ROR1: variants seen among roughly 807,000 people sequenced by gnomAD.
The protein encoded by ROR1 is inactive tyrosine-protein kinase transmembrane receptor ROR1.
ROR1 carries 19 observed loss-of-function variants against 78.8 expected under a neutral mutation model. The observed-to-expected ratio is 0.24, with a 90% CI of 0.17 to 0.35. The LOEUF is 0.35. Among genes scored for constraint, ROR1 ranks in the 10% least tolerant of loss-of-function variants. ROR1 has a pLI of 1.00. For missense variants in ROR1, 917 were observed against 1,177.8 expected (o/e 0.78, Z 3.24); for synonymous variants, 386 against 433.6 (o/e 0.89, Z 1.36).
intron 1 of ROR1, among the ~76,000 whole-genome samples, chr1:63,844,972 G>A (rs781415076): frequency 3.9e-5 from 6 of 152,090 alleles, no homozygotes; most frequent in Non-Finnish European, 8.8e-5. Flanking sequence ...GCCTTTTGAA[G>A]TCTTCCAGTT....
At chr1:63,911,754 CAAAA>C (rs1645571902) in intron 1 of ROR1, among the ~76,000 whole-genome samples, 1 of 151,886 alleles carries the variant, frequency 6.6e-6, no homozygotes, top group Non-Finnish European at 1.5e-5. Context: ...AGAGAAGAAA[CAAAA>C]AACTGAAGGA....
intron 4 of ROR1, among the ~76,000 whole-genome samples, chr1:64,103,274 C>T (rs1180981055): frequency 1.3e-5 from 2 of 150,898 alleles, no homozygotes; most frequent in African/African-American, 2.4e-5. Context: ...GGGGATGGCA[C>T]GTTGTGCACA....
chr1:63,899,407 C>T (rs370811827), intron 1 of ROR1, among the ~76,000 whole-genome samples: 72 of 152,266 alleles, frequency 4.7e-4, no homozygotes, highest in African/African-American at 1.6e-3. Context: ...GTGCCTTTAA[C>T]ATTTTCCCCT....
chr1:63,994,050 G>C (rs901390297), intron 1 of ROR1, among the ~76,000 whole-genome samples: 15 of 152,002 alleles, frequency 9.9e-5, no homozygotes, highest in African/African-American at 3.4e-4. Context: ...AATCTGATTG[G>C]GGAGAAATAA....
At chr1:63,883,988 T>C (rs1645340439) in intron 1 of ROR1, among the ~76,000 whole-genome samples, 1 of 152,168 alleles carries the variant, frequency 6.6e-6, no homozygotes, top group Non-Finnish European at 1.5e-5. Flanking sequence ...CCTGTTTACA[T>C]TGCCAAGCAT....
At chr1:64,091,173 T>TGG (rs1647193832) in intron 4 of ROR1, among the ~76,000 whole-genome samples, 1 of 152,092 alleles carries the variant, frequency 6.6e-6, no homozygotes, top group Admixed American at 6.6e-5. Flanking sequence ...AACCCACAAA[T>TGG]GCTTTTTTTA....
intron 1 of ROR1, among the ~76,000 whole-genome samples, chr1:63,903,550 C>T (rs1269139527): frequency 6.6e-5 from 10 of 151,762 alleles, no homozygotes; most frequent in Non-Finnish European, 2.9e-5. Context: ...AAGACATGTC[C>T]CTCTCATCTT....
At chr1:63,789,870 T>C (rs1357179876) in intron 1 of ROR1, among the ~76,000 whole-genome samples, 2 of 152,108 alleles carry the variant, frequency 1.3e-5, no homozygotes, top group Non-Finnish European at 2.9e-5. Flanking sequence ...TAAATATTTT[T>C]CAAAGCAAGG....
chr1:63,787,937 C>T (rs1006405657), intron 1 of ROR1, among the ~76,000 whole-genome samples: 1 of 152,220 alleles, frequency 6.6e-6, no homozygotes, highest in Non-Finnish European at 1.5e-5. Flanking sequence ...AGGGGCAGCC[C>T]TTCTGGGATG....
At chr1:63,975,930 C>T (rs285338) in intron 1 of ROR1, among the ~76,000 whole-genome samples, 102,735 of 152,112 alleles carry the variant, frequency 0.68, 38,617 homozygotes, top group East Asian at 0.94. Context: ...TCACGACTTT[C>T]GTGGGTACAT....
At chr1:63,897,377 C>T (rs761683930) in intron 1 of ROR1, among the ~76,000 whole-genome samples, 28 of 152,190 alleles carry the variant, frequency 1.8e-4, no homozygotes, top group Non-Finnish European at 4.0e-4. Context: ...AATAAGACAA[C>T]CCTTGCCATG....
chr1:64,088,289 T>TA (rs1437149822), intron 4 of ROR1, among the ~76,000 whole-genome samples: 2 of 152,204 alleles, frequency 1.3e-5, no homozygotes, highest in African/African-American at 4.8e-5. Context: ...AGAATAGCTC[T>TA]TCTTACTTTT....
chr1:63,855,740 C>T (rs981642631), intron 1 of ROR1, among the ~76,000 whole-genome samples: 2 of 151,904 alleles, frequency 1.3e-5, no homozygotes, highest in Non-Finnish European at 2.9e-5. Context: ...CCTCCGCCTC[C>T]CTGGTTCAAG....
intron 4 of ROR1, among the ~76,000 whole-genome samples, chr1:64,073,712 T>A (rs560457010): frequency 1.3e-5 from 2 of 152,320 alleles, no homozygotes; most frequent in South Asian, 4.1e-4. Context: ...CTGCACAATA[T>A]TAAGAAAAAT....
At chr1:64,101,006 C>G (rs567029103) in intron 4 of ROR1, among the ~76,000 whole-genome samples, 89 of 152,226 alleles carry the variant, frequency 5.8e-4, no homozygotes, top group Admixed American at 1.1e-3. Flanking sequence ...CAGATGCTGG[C>G]ACGTAGTGCA....
At chr1:63,960,052 T>C (rs1646015605) in intron 1 of ROR1, among the ~76,000 whole-genome samples, 2 of 152,248 alleles carry the variant, frequency 1.3e-5, no homozygotes, top group Non-Finnish European at 2.9e-5. Context: ...TGTGACAGCA[T>C]GTATCACACT....
chr1:63,863,655 T>C (rs973212871), intron 1 of ROR1, among the ~76,000 whole-genome samples: 2 of 152,240 alleles, frequency 1.3e-5, no homozygotes, highest in African/African-American at 4.8e-5. Flanking sequence ...GGCGTATTTT[T>C]CTTTATTTGT....
intron 4 of ROR1, among the ~76,000 whole-genome samples, chr1:64,125,400 AG>A (rs1318375384): frequency 1.3e-5 from 2 of 152,174 alleles, no homozygotes; most frequent in Non-Finnish European, 2.9e-5. Context: ...CTCTCACCAA[AG>A]ATGTTTATGT....
At chr1:63,883,841 C>A (rs558041074) in intron 1 of ROR1, among the ~76,000 whole-genome samples, 1 of 152,302 alleles carries the variant, frequency 6.6e-6, no homozygotes, top group Non-Finnish European at 1.5e-5. Context: ...GAGAAATCTT[C>A]CTCCAGAGGG....
Sources: allele counts gnomAD v4.1 joint callset (sites outside exome capture counted in the v4.1 genomes callset), GRCh38; gene constraint gnomAD v4.1.1; transcripts MANE v1.5; gene names NCBI Gene and HGNC (gene_info 2026-07-23, HGNC 2026-07-21).